Variants in ANKRD11 observed in about 807,000 individuals in gnomAD.
ANKRD11 encodes ankyrin repeat domain 11.
ANKRD11 carries 17 observed loss-of-function variants against 195.7 expected under a neutral mutation model. The ratio of observed to expected loss-of-function variants is 0.09; its 90% confidence interval spans 0.06 to 0.13. ANKRD11 has a LOEUF of 0.13. ANKRD11 is among the 10% of genes least tolerant of loss of function. ANKRD11 has a pLI of 1.00. For missense variants in ANKRD11, 3,735 were observed against 3,566.1 expected (o/e 1.05, Z -1.21); for synonymous variants, 1,953 against 1,528.1 (o/e 1.28, Z -6.49).
chr16:89,279,855 C>T lies in ANKRD11; in HGVS notation c.6687G>A (p.Glu2229=), dbSNP rs753352190. 1.3e-6 allele frequency: 2 copies of T among 1,553,944 alleles called. No individual in the cohort carries two copies. The highest frequency in any genetic ancestry group is 1.9e-4 in the Middle Eastern group (1 of 5,208). ...AAVEAETVPE[E]RARGDPDSSV... is the part of the protein sequence containing the mutation. Reference sequence around the variant, plus strand: ...TGGAGTCCGGATCCCCACGGGCCCTCTCTTCCGGCACCGTCTCCGCCTCCA... The same window carrying T: ...TGGAGTCCGGATCCCCACGGGCCCTTTCTTCCGGCACCGTCTCCGCCTCCA... The change falls in exon 9 of 13, where the codon GAG becomes GAA. Residue 2229 remains glutamate (E), a synonymous_variant. Coordinates refer to ENST00000301030, the MANE Select transcript of ANKRD11 (RefSeq NM_013275.6). This position sits in a 1 kb window ranked among gnomAD's most constrained non-coding sequence, Gnocchi z 5.6.
chr16:89,489,613 G>A (rs1034945500), intron 1 of ANKRD11, among the ~76,000 whole-genome samples: 1 of 151,942 alleles, frequency 6.6e-6, no homozygotes, highest in Non-Finnish European at 1.5e-5. Flanking sequence ...CGACCAGCAC[G>A]GCGAAGGCGC....
intron 2 of ANKRD11, among the ~76,000 whole-genome samples, chr16:89,340,142 A>G (rs1398942471): frequency 6.6e-6 from 1 of 152,268 alleles, no homozygotes; most frequent in African/African-American, 2.4e-5. Context: ...TCTAAAGTTT[A>G]TAACTAGAAA....
At chr16:89,314,169 G>GTA (rs1416583053) in intron 3 of ANKRD11, among the ~76,000 whole-genome samples, 2 of 152,086 alleles carry the variant, frequency 1.3e-5, no homozygotes, top group Admixed American at 6.5e-5. Context: ...GGCAGGGTGG[G>GTA]GGGTTATGGA....
At position 89,268,282 on chromosome 16, in the gene ANKRD11, G is replaced by A. The variant is rs1461050082; in HGVS notation, c.*196C>T. Reference sequence around the variant, plus strand: ...TTTGCCCCCGCCGCGGCAGCTGGTAGAGAAGAGACGTGTTTCACCTCCCCG... The same window carrying A: ...TTTGCCCCCGCCGCGGCAGCTGGTAAAGAAGAGACGTGTTTCACCTCCCCG... On this transcript the variant is annotated 3_prime_UTR_variant, in exon 13 of 13. Transcript: ENST00000301030. 3.0e-6 allele frequency: 1 copy of A among 336,944 alleles called. No homozygotes were observed. Among genetic ancestry groups the A allele is most frequent in the Non-Finnish European group, 5.2e-6 (1 of 191,196 alleles). The allele number at this position is 336,944 out of a possible 1,614,324, so 20.9% of individuals were successfully genotyped here. A position where few individuals can be genotyped will look rare whatever the true frequency, so the allele number is the denominator to read the frequency against.
rs866859933 is a variant in ANKRD11 at position 89,325,473 on chromosome 16, A to T, written c.-59-8395T>A. On this transcript the variant is annotated intron_variant, in intron 2 of 12. Transcript: ENST00000301030. Reference sequence around the variant, plus strand: ...TCCTCTCTCTCTCTCTCTCTCTCACACACACACACACACACACACACAGAG... The same window carrying T: ...TCCTCTCTCTCTCTCTCTCTCTCACTCACACACACACACACACACACAGAG... Among the ~76,000 whole-genome samples the T allele has an allele frequency of 5.7e-3, 508 of 88,368 alleles. 2 individuals carry two copies. The highest frequency in any genetic ancestry group is 0.044 in the East Asian group (125 of 2,852). 58.0% of individuals were successfully genotyped at this position (88,368 alleles called of 152,430 possible).
chr16:89,483,508 G>A (rs932376604), intron 1 of ANKRD11, among the ~76,000 whole-genome samples: 4 of 152,164 alleles, frequency 2.6e-5, no homozygotes, highest in Non-Finnish European at 4.4e-5. Context: ...GATACCTCTC[G>A]CATGTGTCAG....
intron 2 of ANKRD11, among the ~76,000 whole-genome samples, chr16:89,329,806 C>G (rs569482992): frequency 6.6e-6 from 1 of 152,100 alleles, no homozygotes; most frequent in East Asian, 1.9e-4. Context: ...GTCAGGAGTT[C>G]GAAACCAGCC....
chr16:89,450,262 C>A (rs1486881137), intron 1 of ANKRD11, among the ~76,000 whole-genome samples: 2 of 152,154 alleles, frequency 1.3e-5, no homozygotes, highest in African/African-American at 2.4e-5. Flanking sequence ...GCCATCAATT[C>A]TTTCTACTCA....
At chr16:89,480,988 G>T (rs1379179602) in intron 1 of ANKRD11, among the ~76,000 whole-genome samples, 1 of 152,140 alleles carries the variant, frequency 6.6e-6, no homozygotes, top group Non-Finnish European at 1.5e-5. Context: ...GCAGAGAATG[G>T]AGAGTGACAC....
rs546054557 is a variant in ANKRD11, at chr16:89,358,832, G to GT, written c.-59-41755dup. 2.5e-3 allele frequency among the ~76,000 whole-genome samples: 368 copies of GT among 148,540 alleles called. 1 individual carries two copies. Among genetic ancestry groups the GT allele is most frequent in the South Asian group, 5.6e-3 (26 of 4,672 alleles). On this transcript the variant is annotated intron_variant, in intron 2 of 12. Transcript: ENST00000301030. ...GTTATAGTTTGTTTTTTGCCTGTAG[G>GT]TTTTTTTTTTGAGAATAGGGTCTCC...
rs535581590 is a variant in ANKRD11, at chr16:89,470,249, C to T, written c.-145+19996G>A. ...CCAATTCTTACAAGAAAACCAAAAGCGAGGAAAAATGAAGTAACTTACTCA... is the reference window on the plus strand; with the variant it reads ...CCAATTCTTACAAGAAAACCAAAAGTGAGGAAAAATGAAGTAACTTACTCA... On this transcript the variant is annotated intron_variant, in intron 1 of 12. Transcript: ENST00000301030. Among the ~76,000 whole-genome samples, 127 of 152,008 alleles carry T rather than the reference C, an allele frequency of 8.4e-4. No homozygotes were observed. In the South Asian group the frequency reaches 0.015, roughly 17 times the overall value.
chr16:89,278,712 A>G (rs2033883759), intron 9 of ANKRD11: 4 of 487,370 alleles, frequency 8.2e-6, no homozygotes, highest in East Asian at 5.8e-5. Flanking sequence ...CAGGAGACAC[A>G]GGGGGTGGCT....
At chr16:89,364,597 C>G (rs773912730) in intron 2 of ANKRD11, among the ~76,000 whole-genome samples, 7 of 152,186 alleles carry the variant, frequency 4.6e-5, no homozygotes, top group Non-Finnish European at 1.0e-4. Flanking sequence ...CTGGGCCACA[C>G]TGGAAGAAGA....
At chr16:89,470,870 G>A (rs1405920976) in intron 1 of ANKRD11, among the ~76,000 whole-genome samples, 1 of 152,148 alleles carries the variant, frequency 6.6e-6, no homozygotes, top group Non-Finnish European at 1.5e-5. Context: ...GCGGACATTT[G>A]TAGTCCCAGT....
intron 1 of ANKRD11, among the ~76,000 whole-genome samples, chr16:89,455,978 C>T (rs1253055373): frequency 6.6e-6 from 1 of 152,150 alleles, no homozygotes; most frequent in African/African-American, 2.4e-5. Flanking sequence ...TGGCTCACAC[C>T]TCTAATCCCA....
rs966362122 is a variant in ANKRD11, at chr16:89,279,984, C to T, written c.6558G>A (p.Glu2186=). ...CCTGGTCAGGAGGCAGTGCCGGCGG[C>T]TCCTCAGCCACTACGGTGGAAACAT... is the stretch of plus-strand genomic sequence containing the variant. ...GGDVSTVVAE[E]PPALPPDQAS... The change falls in exon 9 of 13, where the codon GAG becomes GAA. Residue 2186 remains glutamate (E), a synonymous_variant. Coordinates refer to ENST00000301030, the MANE Select transcript of ANKRD11 (RefSeq NM_013275.6). This position sits in a 1 kb window ranked among gnomAD's most constrained non-coding sequence, Gnocchi z 5.6. 3.1e-6 allele frequency: 5 copies of T among 1,611,494 alleles called. No individual in the cohort carries two copies. The highest frequency in any genetic ancestry group is 4.2e-6 in the Non-Finnish European group (5 of 1,179,892).
intron 2 of ANKRD11, among the ~76,000 whole-genome samples, chr16:89,370,311 T>C (rs1390981715): frequency 3.3e-5 from 5 of 152,316 alleles, no homozygotes; most frequent in Admixed American, 3.3e-4. Flanking sequence ...TGAGAAGATG[T>C]TTCTGGAAGG....
At chr16:89,383,693 C>T (rs1270516035) in intron 2 of ANKRD11, among the ~76,000 whole-genome samples, 1 of 152,152 alleles carries the variant, frequency 6.6e-6, no homozygotes, top group African/African-American at 2.4e-5. Context: ...AGACGTCCAG[C>T]CCCTGCCCTC....
chr16:89,276,442 AC>A (rs1567546975), intron 9 of ANKRD11, among the ~76,000 whole-genome samples: 1 of 152,220 alleles, frequency 6.6e-6, no homozygotes, highest in Non-Finnish European at 1.5e-5. Context: ...CTCATGGTGG[AC>A]GGGCCTGACC....
Sources: allele counts gnomAD v4.1 joint callset (sites outside exome capture counted in the v4.1 genomes callset), GRCh38; gene constraint gnomAD v4.1.1; non-coding constraint Gnocchi (gnomAD v3.1); transcripts MANE v1.5; gene names NCBI Gene and HGNC (gene_info 2026-07-23, HGNC 2026-07-21).